XIRP2: variants seen among roughly 807,000 people sequenced by gnomAD.
The protein encoded by XIRP2 is xin actin binding repeat containing 2, also known as xin actin-binding repeat-containing protein 2.
A neutral mutation model predicts 277.0 loss-of-function variants in XIRP2; 236 were observed. That is an observed-to-expected ratio of 0.85 (90% CI 0.77 to 0.95). The LOEUF is 0.95. Ranked by LOEUF, XIRP2 falls within the 40% of genes least tolerant of loss-of-function variation. The pLI is 0.00. For missense variants in XIRP2, 4,640 were observed against 4,157.5 expected, an observed-to-expected ratio of 1.12 and a Z score of -3.19; for synonymous variants, 1,490 against 1,416.5, an observed-to-expected ratio of 1.05 and a Z score of -1.17.
chr2:166,935,225 G>A (rs182474785), intron 2 of XIRP2, among the ~76,000 whole-genome samples: 7 of 152,224 alleles, frequency 4.6e-5, no homozygotes, highest in Admixed American at 1.3e-4. Flanking sequence ...TCTATACAGG[G>A]AACAGGTCTG....
chr2:167,042,341 A>G (rs1688678825), intron 2 of XIRP2, among the ~76,000 whole-genome samples: 1 of 152,190 alleles, frequency 6.6e-6, no homozygotes, highest in African/African-American at 2.4e-5. Flanking sequence ...ACATACTGAC[A>G]CTATCCTTGA....
chr2:167,156,604 A>G (rs532350223), intron 3 of XIRP2, among the ~76,000 whole-genome samples: 50 of 152,320 alleles, frequency 3.3e-4, no homozygotes, highest in Non-Finnish European at 2.5e-4. Flanking sequence ...TAGATATTCA[A>G]TGATTACCAT....
At chr2:167,024,435 T>C (rs897897219) in intron 2 of XIRP2, among the ~76,000 whole-genome samples, 5 of 152,136 alleles carry the variant, frequency 3.3e-5, no homozygotes, top group African/African-American at 1.2e-4. Context: ...CCTAATTGAA[T>C]ACCCTTTATT....
intron 2 of XIRP2, among the ~76,000 whole-genome samples, chr2:166,922,399 A>C (rs183940226): frequency 3.0e-4 from 46 of 152,290 alleles, no homozygotes; most frequent in Non-Finnish European, 6.2e-4. Context: ...GCCATAAAAT[A>C]TAAAATATGC....
intron 2 of XIRP2, among the ~76,000 whole-genome samples, chr2:166,938,398 A>C (rs1352317690): frequency 6.6e-6 from 1 of 152,076 alleles, no homozygotes; most frequent in African/African-American, 2.4e-5. Flanking sequence ...CATGTAGCTG[A>C]GTGGTTTTGA....
rs374536325 is a variant in XIRP2 at position 167,172,209 on chromosome 2, A to T, written c.562+36147A>T. ...TGATGCTCCCCAAGCCGCAAAACCA[A>T]CAAGTTTTTATTAGTGATTTTCAAA... is the stretch of plus-strand genomic sequence containing the variant. On this transcript the variant is annotated intron_variant, in intron 3 of 10. Coordinates refer to ENST00000409195, the MANE Select transcript of XIRP2 (RefSeq NM_152381.6). Among the ~76,000 whole-genome samples, 13 of 152,240 alleles carry T rather than the reference A, an allele frequency of 8.5e-5. No homozygotes were observed. In the East Asian group the frequency reaches 1.9e-3, roughly 23 times the overall value.
chr2:167,039,497 A>C (rs1688606030), intron 2 of XIRP2, among the ~76,000 whole-genome samples: 1 of 152,218 alleles, frequency 6.6e-6, no homozygotes, highest in South Asian at 2.1e-4. Flanking sequence ...AGGAACAATC[A>C]TATCTGTCTA....
At chr2:166,965,117 G>A (rs1686396169) in intron 2 of XIRP2, among the ~76,000 whole-genome samples, 1 of 151,860 alleles carries the variant, frequency 6.6e-6, no homozygotes, top group African/African-American at 2.4e-5. Flanking sequence ...CACTTAACTT[G>A]CAATTCAGTG....
chr2:167,126,195 TCTCA>T (rs36069590), intron 2 of XIRP2, among the ~76,000 whole-genome samples: 34,830 of 150,438 alleles, frequency 0.23, 5,151 homozygotes, highest in African/African-American at 0.44. Flanking sequence ...TCTCTCTCTC[TCTCA>T]CACTCTCACT....
At chr2:167,165,878 G>A (rs1389562169) in intron 3 of XIRP2, among the ~76,000 whole-genome samples, 1 of 152,070 alleles carries the variant, frequency 6.6e-6, no homozygotes, top group African/African-American at 2.4e-5. Context: ...CATGGATTAT[G>A]TTATTGATGT....
At position 167,248,410 on chromosome 2, in the gene XIRP2, A is replaced by T; in HGVS notation, c.7018A>T (p.Ser2340Cys). The part of the protein sequence containing the change: ...STEKIKAEFE[S>C]FPGLPLPPPP... ...AGAGAAGATAAAGGCTGAATTTGAA[A>T]GTTTTCCAGGCCTCCCTCTTCCTCC... Residue 2340 changes from serine (S) to cysteine (C), a missense_variant, in exon 9 of 11, where the codon AGT becomes TGT. Ser to Cys is a moderately radical substitution (Grantham distance 112). Transcript: ENST00000409195. 1 of 1,613,692 alleles carries T rather than the reference A, an allele frequency of 6.2e-7. No homozygotes were observed.
At chr2:167,184,502 G>A (rs995693025) in intron 3 of XIRP2, 1 of 707,944 alleles carries the variant, frequency 1.4e-6, no homozygotes, top group South Asian at 1.5e-5. Context: ...CCAGTCCCAT[G>A]GAATTGCCAA....
chr2:166,934,109 T>C (rs371494967), intron 2 of XIRP2, among the ~76,000 whole-genome samples: 8 of 143,924 alleles, frequency 5.6e-5, no homozygotes, highest in Admixed American at 3.7e-4. Context: ...TTCTAACCAA[T>C]AGAACATGGT....
intron 2 of XIRP2, among the ~76,000 whole-genome samples, chr2:166,916,274 A>C (rs1243633584): frequency 6.6e-6 from 1 of 152,186 alleles, no homozygotes; most frequent in Non-Finnish European, 1.5e-5. Flanking sequence ...TTAAACCCAG[A>C]CATGTGGGAC....
chr2:167,042,876 G>C (rs1359150681), intron 2 of XIRP2, among the ~76,000 whole-genome samples: 1 of 152,092 alleles, frequency 6.6e-6, no homozygotes, highest in Non-Finnish European at 1.5e-5. Flanking sequence ...GACATCTACA[G>C]AATATTCCAT....
intron 7 of XIRP2, 151 bp from the exon 8 acceptor site, chr2:167,241,626 T>C: frequency 1.3e-6 from 1 of 755,910 alleles, no homozygotes. Flanking sequence ...CCCAGGCTGG[T>C]CTCACACCCT....
At chr2:167,164,172 G>T (rs898554040) in intron 3 of XIRP2, among the ~76,000 whole-genome samples, 1 of 152,002 alleles carries the variant, frequency 6.6e-6, no homozygotes, top group Non-Finnish European at 1.5e-5. Flanking sequence ...CGGGCGCAGC[G>T]GCTCACGCCT....
intron 2 of XIRP2, among the ~76,000 whole-genome samples, chr2:167,104,594 T>C (rs578048781): frequency 1.3e-5 from 2 of 152,264 alleles, no homozygotes; most frequent in South Asian, 4.1e-4. Context: ...AACTTTTTAT[T>C]ACAAGATTAT....
chr2:167,035,749 G>A (rs1688491991), intron 2 of XIRP2, among the ~76,000 whole-genome samples: 1 of 151,970 alleles, frequency 6.6e-6, no homozygotes, highest in Non-Finnish European at 1.5e-5. Flanking sequence ...AGACCATGGA[G>A]AAAATGTCTC....
Sources: gnomAD v4.1 joint callset for allele counts (sites outside exome capture counted in the v4.1 genomes callset) on GRCh38, gnomAD v4.1.1 for gene constraint, MANE v1.5 for transcripts, NCBI Gene and HGNC (gene_info 2026-07-23, HGNC 2026-07-21) for gene names.